Variants in DNAH5 observed in about 807,000 individuals in gnomAD.
DNAH5 encodes the protein dynein axonemal heavy chain 5.
A neutral mutation model predicts 518.2 loss-of-function variants in DNAH5; 372 were observed. The observed-to-expected ratio is 0.72, with a 90% CI of 0.66 to 0.78. The LOEUF (loss-of-function observed/expected upper bound fraction) is 0.78, where lower values mean the gene tolerates loss of function less well. Ranked by LOEUF, DNAH5 falls within the 30% of genes least tolerant of loss-of-function variation. The pLI, the probability that DNAH5 is intolerant of heterozygous loss-of-function variation, is 0.00. For synonymous variants in DNAH5, 2,039 were observed against 2,025.9 expected (o/e 1.01, Z -0.17); for missense variants, 5,523 against 5,687.0 (o/e 0.97, Z 0.93).
intron 1 of DNAH5, among the ~76,000 whole-genome samples, chr5:13,990,045 C>A (rs1472110583): frequency 6.6e-6 from 1 of 152,124 alleles, no homozygotes; most frequent in Non-Finnish European, 1.5e-5. Context: ...CTCAAGGTCA[C>A]ACAGCTAATG....
intron 43 of DNAH5, 27 bp downstream of exon 43, chr5:13,814,578 T>G (rs1216748829): frequency 1.2e-6 from 2 of 1,610,188 alleles, no homozygotes; most frequent in Non-Finnish European, 1.7e-6. Flanking sequence ...TCCTTTTTAA[T>G]TATACAAAAG....
rs1227196032 is a variant in DNAH5, at chr5:13,690,564, G to A, written c.*1420C>T. 1 of 152,148 alleles carries A rather than the reference G, an allele frequency of 6.6e-6. No individual in the cohort carries two copies. Among genetic ancestry groups the A allele is most frequent in the Non-Finnish European group, 1.5e-5 (1 of 68,032 alleles). 9.4% of individuals were successfully genotyped at this position (152,148 alleles called of 1,614,324 possible). A position where few individuals can be genotyped will look rare whatever the true frequency, so the allele number is the denominator to read the frequency against. On this transcript the variant is annotated 3_prime_UTR_variant, in exon 79 of 79. Coordinates refer to ENST00000265104, the MANE Select transcript of DNAH5 (RefSeq NM_001369.3). ...TAATGATCCTGGTCCACAGAATGAA[G>A]CCCAGTGAGAGGGACCCACACTTGT...
intron 1 of DNAH5, among the ~76,000 whole-genome samples, chr5:13,980,485 C>CT (rs1782596803): frequency 6.6e-6 from 1 of 152,164 alleles, no homozygotes; most frequent in African/African-American, 2.4e-5. Flanking sequence ...GGTCTTCCCC[C>CT]TCCTTCCATT....
chr5:13,917,682 G>A (rs1435027754), intron 7 of DNAH5, among the ~76,000 whole-genome samples: 1 of 152,082 alleles, frequency 6.6e-6, no homozygotes, highest in Admixed American at 6.5e-5. Flanking sequence ...CCAACTGTAT[G>A]CCAGTACTGT....
At chr5:13,944,284 T>C (rs554902944) in intron 1 of DNAH5, 98 bp downstream of exon 1, 2 of 1,144,932 alleles carry the variant, frequency 1.7e-6, no homozygotes, top group African/African-American at 3.0e-5. Flanking sequence ...TTCATCAGTG[T>C]GTGACTTTGA....
chr5:13,805,085 G>C (rs1366649551), intron 47 of DNAH5, among the ~76,000 whole-genome samples: 1 of 152,100 alleles, frequency 6.6e-6, no homozygotes, highest in Non-Finnish European at 1.5e-5. Flanking sequence ...GGACTCACAT[G>C]GGCCCCTCAT....
At chr5:13,795,979 G>A (rs1580289588) in intron 47 of DNAH5, among the ~76,000 whole-genome samples, 1 of 152,240 alleles carries the variant, frequency 6.6e-6, no homozygotes, top group African/African-American at 2.4e-5. Context: ...TGCAGAAAAG[G>A]CCTTCGACAA....
intron 52 of DNAH5, among the ~76,000 whole-genome samples, chr5:13,783,429 C>T (rs140021497): frequency 1.5e-4 from 23 of 152,206 alleles, no homozygotes; most frequent in Admixed American, 2.6e-4. Flanking sequence ...GCCTAGTCTT[C>T]TGATAGGGAG....
chr5:13,890,806 A>T (rs538072645), intron 17 of DNAH5, among the ~76,000 whole-genome samples, 170 bp downstream of exon 17: 3 of 152,292 alleles, frequency 2.0e-5, no homozygotes. Flanking sequence ...ACTTAGATAC[A>T]TTTCTCTTCA....
Position 13,758,883 on chromosome 5 carries a change from A to G in DNAH5, c.10382T>C (p.Val3461Ala), listed in dbSNP as rs761920402. The change falls in exon 61 of 79, where the codon GTG becomes GCG. Residue 3461 changes from valine to alanine, a missense_variant. Around this residue, in one of 3 missense-constraint regions of DNAH5, gnomAD observed 5,121 missense variants for 5,223.3 expected, o/e 0.98. Coordinates refer to ENST00000265104, the MANE Select transcript of DNAH5 (RefSeq NM_001369.3). Reference sequence around the variant, plus strand: ...CATGGCCTGTTCATACTCAGCCTGCACCACGTCAAGTTCCGCCTGCTTGTC... The same window carrying G: ...CATGGCCTGTTCATACTCAGCCTGCGCCACGTCAAGTTCCGCCTGCTTGTC... ...LDDKQAELDV[V>A]QAEYEQAMTE... 1.3e-5 allele frequency: 21 copies of G among 1,614,054 alleles called. 1 individual carries two copies. The East Asian group carries it at 4.5e-4, about 34-fold the overall frequency.
chr5:13,735,919 G>T lies in DNAH5; in HGVS notation c.11469C>A (p.Gly3823=). The T allele has an allele frequency of 6.2e-7, 1 of 1,613,828 alleles. No individual in the cohort carries two copies. Among genetic ancestry groups the T allele is most frequent in the South Asian group, 1.1e-5 (1 of 91,082 alleles). ...CAGTAATGAGGAAGTAGAGGATGCT[G>T]CCCCGCGTAGCCACTGGAAGACAAA... ...REEYRPVATR[G]SILYFLITEM... The change falls in exon 67 of 79, where the codon GGC becomes GGA. Residue 3823 remains glycine (G), a synonymous_variant. Transcript: ENST00000265104.
At chr5:13,766,557 A>G (rs1283540750) in intron 58 of DNAH5, among the ~76,000 whole-genome samples, 1 of 152,214 alleles carries the variant, frequency 6.6e-6, no homozygotes, top group Non-Finnish European at 1.5e-5. Flanking sequence ...GTGCTTTTTT[A>G]CTTATTAGCT....
At chr5:14,002,003 A>G (rs1243401888) in intron 1 of DNAH5, among the ~76,000 whole-genome samples, 1 of 151,802 alleles carries the variant, frequency 6.6e-6, no homozygotes, top group Non-Finnish European at 1.5e-5. Flanking sequence ...AGTTCAAGTG[A>G]TTATCCTGCC....
At chr5:13,746,658 G>A (rs1387606686) in intron 65 of DNAH5, among the ~76,000 whole-genome samples, 1 of 152,030 alleles carries the variant, frequency 6.6e-6, no homozygotes, top group East Asian at 1.9e-4. Flanking sequence ...AATATGGGAG[G>A]CAATTAGTAT....
Position 13,902,004 on chromosome 5 carries a change from G to C in DNAH5, c.1730+49C>G, listed in dbSNP as rs146318478. 846 of 1,286,588 alleles carry C rather than the reference G, an allele frequency of 6.6e-4. 6 individuals carry two copies. In the African/African-American group the frequency reaches 0.01, roughly 16 times the overall value. 79.7% of individuals were successfully genotyped at this position (1,286,588 alleles called of 1,614,324 possible). ...AATAATAGGAATAACAACAATAAAA[G>C]CTAAACTATCCCAATTTTAGAAAAT... On this transcript the variant is annotated intron_variant, in intron 13 of 78. Coordinates refer to ENST00000265104, the MANE Select transcript of DNAH5 (RefSeq NM_001369.3).
intron 29 of DNAH5, among the ~76,000 whole-genome samples, chr5:13,861,654 A>C (rs1356534869): frequency 6.6e-6 from 1 of 152,182 alleles, no homozygotes; most frequent in East Asian, 1.9e-4. Context: ...CATTATATAC[A>C]TGTAATGAAA....
At chr5:13,711,825 A>G (rs967469287) in intron 75 of DNAH5, among the ~76,000 whole-genome samples, 1 of 152,220 alleles carries the variant, frequency 6.6e-6, no homozygotes, top group African/African-American at 2.4e-5. Context: ...AGAAGTCAAA[A>G]GACCTCTACA....
chr5:13,840,396 T>C (rs1397545811), intron 34 of DNAH5, among the ~76,000 whole-genome samples: 2 of 152,206 alleles, frequency 1.3e-5, no homozygotes, highest in African/African-American at 2.4e-5. Context: ...TTGTTCTCTA[T>C]TTAAAAGCAA....
chr5:13,726,681 T>C (rs910947881), intron 70 of DNAH5, among the ~76,000 whole-genome samples: 1 of 152,188 alleles, frequency 6.6e-6, no homozygotes, highest in Non-Finnish European at 1.5e-5. Flanking sequence ...CAATAAATCA[T>C]TGAATCTGGT....
Sources: gnomAD v4.1 joint callset for allele counts (sites outside exome capture counted in the v4.1 genomes callset) on GRCh38, gnomAD v4.1.1 for gene constraint, gnomAD v4.1.1 regional missense constraint, MANE v1.5 for transcripts, NCBI Gene and HGNC (gene_info 2026-07-23, HGNC 2026-07-21) for gene names.